HYAL4: variants seen among roughly 807,000 people sequenced by gnomAD.
The protein encoded by HYAL4 is hyaluronidase 4.
Under a neutral mutation model 35.2 loss-of-function variants are expected in HYAL4, and 37 were observed. That is an observed-to-expected ratio of 1.05 (90% confidence interval 0.81 to 1.38). The LOEUF is 1.38. Among genes scored for constraint, HYAL4 ranks in the 40% most tolerant of loss-of-function variants. The probability of loss-of-function intolerance (pLI) is 0.00; values close to 1 mark genes in which losing one functional copy is unlikely to be tolerated. For missense variants in HYAL4, 572 were observed against 572.4 expected, an observed-to-expected ratio of 1.00 and a Z score of 0.01; for synonymous variants, 198 against 203.2, an observed-to-expected ratio of 0.97 and a Z score of 0.22.
chr7:123,851,254 T>A (rs551017279), intron 2 of HYAL4, among the ~76,000 whole-genome samples: 22 of 152,302 alleles, frequency 1.4e-4, no homozygotes, highest in Non-Finnish European at 3.1e-4. Context: ...AAAGTTTTTT[T>A]AAATTATACT....
At chr7:123,773,873 TAGTC>T in the HYAL4 span, among the ~76,000 whole-genome samples, 19 of 152,224 alleles carry the variant, frequency 1.2e-4, no homozygotes, top group Non-Finnish European at 2.4e-4. Flanking sequence ...TGAATTTAAT[TAGTC>T]AGTCAGTCAA....
chr7:123,808,371 T>TAC, the HYAL4 span, among the ~76,000 whole-genome samples: 27 of 150,528 alleles, frequency 1.8e-4, no homozygotes, highest in South Asian at 1.3e-3. Flanking sequence ...TAGAAATGTG[T>TAC]ACACACACAC....
the HYAL4 span, among the ~76,000 whole-genome samples, chr7:123,776,476 T>A: frequency 6.6e-6 from 1 of 152,206 alleles, no homozygotes; most frequent in African/African-American, 2.4e-5. Flanking sequence ...TGCAGCAGTG[T>A]GATCATAGCT....
At chr7:123,863,789 G>GT (rs1190421730) in intron 2 of HYAL4, among the ~76,000 whole-genome samples, 1 of 152,170 alleles carries the variant, frequency 6.6e-6, no homozygotes, top group Non-Finnish European at 1.5e-5. Flanking sequence ...CAGCCTAGCT[G>GT]TGAGTGTAGT....
intron 2 of HYAL4, among the ~76,000 whole-genome samples, chr7:123,851,461 C>T (rs1003502754): frequency 3.3e-5 from 5 of 151,962 alleles, no homozygotes; most frequent in African/African-American, 7.3e-5. Flanking sequence ...TCTCATTGTT[C>T]GACTCCCACT....
At chr7:123,837,107 G>C (rs1285952286) in intron 1 of HYAL4, among the ~76,000 whole-genome samples, 1 of 152,090 alleles carries the variant, frequency 6.6e-6, no homozygotes, top group Non-Finnish European at 1.5e-5. Flanking sequence ...CTTGGTAGTG[G>C]TGAATTCTCT....
chr7:123,771,625 A>C, the HYAL4 span, among the ~76,000 whole-genome samples: 1 of 152,004 alleles, frequency 6.6e-6, no homozygotes, highest in Non-Finnish European at 1.5e-5. Flanking sequence ...ATATTTTGGC[A>C]TTTTTGTTAT....
chr7:123,838,993 A>T (rs534121199), intron 1 of HYAL4, among the ~76,000 whole-genome samples: 102 of 151,118 alleles, frequency 6.7e-4, no homozygotes, highest in East Asian at 2.3e-3. Flanking sequence ...TTTTTTTTTT[A>T]AATTATTATT....
chr7:123,771,126 G>A, the HYAL4 span, among the ~76,000 whole-genome samples: 816 of 152,282 alleles, frequency 5.4e-3, 10 homozygotes, highest in African/African-American at 0.019. Context: ...GGAAGAGCAG[G>A]CTGAAGAGAA....
chr7:123,827,778 C>T (rs766394152), upstream of HYAL4, among the ~76,000 whole-genome samples: 12 of 152,168 alleles, frequency 7.9e-5, no homozygotes, highest in Non-Finnish European at 1.3e-4. Context: ...AGTCACAGTT[C>T]TGGGGCCTCC....
At chr7:123,860,451 A>C (rs1806553256) in intron 2 of HYAL4, among the ~76,000 whole-genome samples, 1 of 152,292 alleles carries the variant, frequency 6.6e-6, no homozygotes, top group South Asian at 2.1e-4. Context: ...AATGGCAACA[A>C]TCTATACACA....
At chr7:123,872,375 A>G (rs190969441) in intron 3 of HYAL4, among the ~76,000 whole-genome samples, 4 of 152,310 alleles carry the variant, frequency 2.6e-5, no homozygotes, top group African/African-American at 7.2e-5. Context: ...AAAGATATTT[A>G]TCCTTGTTAT....
At chr7:123,855,146 C>G (rs1806405550) in intron 2 of HYAL4, among the ~76,000 whole-genome samples, 1 of 152,132 alleles carries the variant, frequency 6.6e-6, no homozygotes. Flanking sequence ...TGGGACTTGA[C>G]TCTTCATCCA....
intron 2 of HYAL4, among the ~76,000 whole-genome samples, chr7:123,853,144 G>A (rs1028038716): frequency 1.3e-5 from 2 of 152,118 alleles, no homozygotes; most frequent in Non-Finnish European, 2.9e-5. Flanking sequence ...GGACTGAGAT[G>A]ATGGGGTTTT....
At chr7:123,874,474 G>T (rs7782290) in intron 3 of HYAL4, among the ~76,000 whole-genome samples, 2,069 of 152,144 alleles carry the variant, frequency 0.014, 43 homozygotes, top group African/African-American at 0.047. Context: ...TGCGATCTCG[G>T]CTCACTGCAA....
At chr7:123,828,462 A>ACACC (rs1554415979), upstream of HYAL4, among the ~76,000 whole-genome samples, 316 of 137,530 alleles carry the variant, frequency 2.3e-3, no homozygotes, top group Middle Eastern at 0.011. Context: ...ACACACACAC[A>ACACC]CCTCTAAAAA....
chr7:123,767,675 TGAA>T, the HYAL4 span, among the ~76,000 whole-genome samples: 1 of 152,212 alleles, frequency 6.6e-6, no homozygotes, highest in Non-Finnish European at 1.5e-5. Flanking sequence ...TCCCCATTAC[TGAA>T]CCAATCACCG....
the HYAL4 span, among the ~76,000 whole-genome samples, chr7:123,823,809 A>G: frequency 6.6e-6 from 1 of 151,178 alleles, no homozygotes. Context: ...GGTTATCCCG[A>G]GTTACCTAGA....
chr7:123,860,318 C>T (rs1443448710), intron 2 of HYAL4, among the ~76,000 whole-genome samples: 1 of 152,138 alleles, frequency 6.6e-6, no homozygotes, highest in Non-Finnish European at 1.5e-5. Flanking sequence ...TGAGAACAGA[C>T]TAATATAGCT....
Sources: allele counts gnomAD v4.1 joint callset (sites outside exome capture counted in the v4.1 genomes callset), GRCh38; gene constraint gnomAD v4.1.1; transcripts MANE v1.5; gene names NCBI Gene and HGNC (gene_info 2026-07-23, HGNC 2026-07-21).